Variants in PRKCA observed in about 807,000 individuals in gnomAD.
PRKCA encodes the protein protein kinase C alpha.
A neutral mutation model predicts 87.0 loss-of-function variants in PRKCA; 27 were observed. That is an observed-to-expected ratio of 0.31 (90% CI 0.23 to 0.43). The LOEUF is 0.43. PRKCA is among the 20% of genes least tolerant of loss of function. PRKCA has a pLI of 1.00. For missense variants in PRKCA, 518 were observed against 852.3 expected (o/e 0.61, Z 4.88); for synonymous variants, 329 against 311.1 (o/e 1.06, Z -0.61).
chr17:66,479,884 C>T (rs1567850264), intron 2 of PRKCA, among the ~76,000 whole-genome samples: 1 of 151,690 alleles, frequency 6.6e-6, no homozygotes, highest in Non-Finnish European at 1.5e-5. Context: ...GGGAGAGGAT[C>T]AGGAAAAATA....
intron 3 of PRKCA, among the ~76,000 whole-genome samples, chr17:66,517,522 C>T (rs919209351): frequency 6.6e-6 from 1 of 152,270 alleles, no homozygotes; most frequent in Non-Finnish European, 1.5e-5. Context: ...GTCCTCAGTG[C>T]TTACACAGAA....
At chr17:66,719,497 G>A (rs59189065) in intron 8 of PRKCA, among the ~76,000 whole-genome samples, 25,296 of 152,266 alleles carry the variant, frequency 0.17, 2,171 homozygotes, top group Non-Finnish European at 0.17. Context: ...TAGGCCAGCC[G>A]TGGTGGCTCA....
chr17:66,782,588 G>A (rs1337431460), intron 14 of PRKCA, among the ~76,000 whole-genome samples: 4 of 152,152 alleles, frequency 2.6e-5, no homozygotes, highest in East Asian at 3.8e-4. Flanking sequence ...GAGGCCAGTC[G>A]CTCTCTACGG....
chr17:66,409,033 CAAAAAAAAAAAAA>C (rs10661202), intron 2 of PRKCA, among the ~76,000 whole-genome samples: 1 of 76,994 alleles, frequency 1.3e-5, no homozygotes, highest in Non-Finnish European at 2.3e-5. Flanking sequence ...TCCCCAGTCT[CAAAAAAAAAAAAA>C]AAAAAAAAAG....
Position 66,433,277 on chromosome 17 carries a change from C to T in PRKCA, c.206-62924C>T, listed in dbSNP as rs559373955. Among the ~76,000 whole-genome samples the T allele has an allele frequency of 2.0e-5, 3 of 152,228 alleles. No individual in the cohort carries two copies. The East Asian group carries it at 5.8e-4, about 30-fold the overall frequency. ...CAGAGCTTCCCTGCAGCCCCGGCCC[C>T]AGCTCTGGCCCCGGCCCTGGCCCTG... On this transcript the variant is annotated intron_variant, in intron 2 of 16. Transcript: ENST00000413366.
intron 3 of PRKCA, among the ~76,000 whole-genome samples, chr17:66,551,686 G>A (rs1232226943): frequency 2.6e-5 from 4 of 151,942 alleles, no homozygotes; most frequent in African/African-American, 4.8e-5. Flanking sequence ...ACAGGGGACA[G>A]GGGCAAATTA....
At chr17:66,680,596 AC>A (rs764561354) in intron 5 of PRKCA, among the ~76,000 whole-genome samples, 11 of 152,164 alleles carry the variant, frequency 7.2e-5, no homozygotes, top group Admixed American at 6.5e-4. Flanking sequence ...ATAGACATGA[AC>A]CCTTTGATGG....
chr17:66,467,327 T>A (rs753475474), intron 2 of PRKCA, among the ~76,000 whole-genome samples: 4 of 152,192 alleles, frequency 2.6e-5, no homozygotes, highest in Non-Finnish European at 4.4e-5. Flanking sequence ...AGATGTCGTG[T>A]AGCTAACCTC....
chr17:66,544,765 G>A (rs146898605), intron 3 of PRKCA, among the ~76,000 whole-genome samples: 63 of 151,954 alleles, frequency 4.1e-4, no homozygotes, highest in African/African-American at 1.4e-3. Flanking sequence ...GCTAATTTTT[G>A]TATTTTTAGT....
chr17:66,428,189 G>A (rs1223724766), intron 2 of PRKCA, among the ~76,000 whole-genome samples: 1 of 152,180 alleles, frequency 6.6e-6, no homozygotes, highest in African/African-American at 2.4e-5. Context: ...TGTAGGCACT[G>A]CTGTGCCAGA....
At chr17:66,578,930 G>A (rs1969329093) in intron 3 of PRKCA, among the ~76,000 whole-genome samples, 1 of 152,186 alleles carries the variant, frequency 6.6e-6, no homozygotes, top group African/African-American at 2.4e-5. Flanking sequence ...AGGCCTCTGT[G>A]AACTGACTCT....
chr17:66,358,121 G>C (rs1288915747), intron 2 of PRKCA, among the ~76,000 whole-genome samples: 1 of 151,858 alleles, frequency 6.6e-6, no homozygotes, highest in Non-Finnish European at 1.5e-5. Context: ...TGTCATATTA[G>C]TCTATTCTAA....
chr17:66,615,526 ATAGGCAGAGAACTGTC>A (rs1409546739), intron 3 of PRKCA, among the ~76,000 whole-genome samples: 18 of 152,182 alleles, frequency 1.2e-4, no homozygotes. Flanking sequence ...CAACTCATTC[ATAGGCAGAGAACTGTC>A]TATCCTTCAA....
intron 8 of PRKCA, among the ~76,000 whole-genome samples, chr17:66,698,551 AG>A (rs1228341441): frequency 6.6e-6 from 1 of 152,208 alleles, no homozygotes. Flanking sequence ...CCAAGTCAGA[AG>A]AAAACAGAAA....
chr17:66,748,875 C>T lies in PRKCA; in HGVS notation c.1524+6115C>T, dbSNP rs55660003. ...AGGGAGAAAGAAGGAATGGGGCACCCGTGGTAAGGATGCCCTTCCCTCTCA... is the reference window on the plus strand; with the variant it reads ...AGGGAGAAAGAAGGAATGGGGCACCTGTGGTAAGGATGCCCTTCCCTCTCA... On this transcript the variant is annotated intron_variant, in intron 13 of 16. Coordinates refer to ENST00000413366, the MANE Select transcript of PRKCA (RefSeq NM_002737.3). Among the ~76,000 whole-genome samples, 413 of 152,046 alleles carry T rather than the reference C, an allele frequency of 2.7e-3. 3 individuals are homozygous for T. Among genetic ancestry groups the T allele is most frequent in the African/African-American group, 9.2e-3 (382 of 41,446 alleles).
intron 8 of PRKCA, among the ~76,000 whole-genome samples, chr17:66,714,979 AATG>A (rs1330473790): frequency 6.6e-6 from 1 of 152,198 alleles, no homozygotes; most frequent in East Asian, 1.9e-4. Flanking sequence ...GGATGAAATC[AATG>A]ATTATGGAAA....
At chr17:66,347,779 G>A (rs1016649650) in intron 2 of PRKCA, among the ~76,000 whole-genome samples, 9 of 151,986 alleles carry the variant, frequency 5.9e-5, no homozygotes, top group African/African-American at 2.2e-4. Flanking sequence ...TTTCAAAAAA[G>A]TATCTGCCAA....
At chr17:66,368,710 A>G (rs1908915353) in intron 2 of PRKCA, among the ~76,000 whole-genome samples, 1 of 151,960 alleles carries the variant, frequency 6.6e-6, no homozygotes, top group Non-Finnish European at 1.5e-5. Context: ...TGCATATTTC[A>G]TGTTTCTCGT....
At chr17:66,516,631 TAA>T (rs60081754) in intron 3 of PRKCA, among the ~76,000 whole-genome samples, 1 of 144,970 alleles carries the variant, frequency 6.9e-6, no homozygotes, top group African/African-American at 2.5e-5. Context: ...AGACTCTGTC[TAA>T]AAAAAAAAAG....
Sources: gnomAD v4.1 joint callset for allele counts (sites outside exome capture counted in the v4.1 genomes callset) on GRCh38, gnomAD v4.1.1 for gene constraint, MANE v1.5 for transcripts, NCBI Gene and HGNC (gene_info 2026-07-23, HGNC 2026-07-21) for gene names.